Variants in AVEN observed in about 807,000 individuals in gnomAD.
AVEN encodes the protein cell death regulator Aven.
AVEN carries 41 observed loss-of-function variants against 38.1 expected under a neutral mutation model. The ratio of observed to expected loss-of-function variants is 1.08; its 90% CI spans 0.84 to 1.40. The LOEUF (loss-of-function observed/expected upper bound fraction) is 1.40, where lower values mean the gene tolerates loss of function less well. Ranked by LOEUF, AVEN falls within the 40% of genes most tolerant of loss-of-function variation. The pLI, the probability that AVEN is intolerant of heterozygous loss-of-function variation, is 0.00. For synonymous variants in AVEN, 206 were observed against 171.8 expected (o/e 1.20, Z -1.56); for missense variants, 605 against 438.8 (o/e 1.38, Z -3.38).
chr15:33,908,159 T>C (rs779508227), intron 2 of AVEN, among the ~76,000 whole-genome samples: 37 of 152,228 alleles, frequency 2.4e-4, no homozygotes, highest in Non-Finnish European at 5.1e-4. Flanking sequence ...ATTAAGTACA[T>C]TCACATTATT....
At chr15:33,886,009 C>T (rs567654979) in intron 2 of AVEN, among the ~76,000 whole-genome samples, 1 of 152,198 alleles carries the variant, frequency 6.6e-6, no homozygotes, top group Non-Finnish European at 1.5e-5. Context: ...ATACAAAGAT[C>T]AGTCTTTGGA....
At chr15:33,899,459 C>CTTT (rs1567403765) in intron 2 of AVEN, among the ~76,000 whole-genome samples, 1 of 83,260 alleles carries the variant, frequency 1.2e-5, no homozygotes, top group Non-Finnish European at 2.4e-5. Flanking sequence ...TCAGGGAAAA[C>CTTT]CTTTTTTTTT....
intron 2 of AVEN, chr15:33,968,580 G>A (rs2140488831): frequency 6.6e-6 from 1 of 152,180 alleles, no homozygotes; most frequent in South Asian, 2.1e-4. Flanking sequence ...TCAAAAAACA[G>A]GGTACCAGAA....
At chr15:33,897,837 G>C (rs948198966) in intron 2 of AVEN, among the ~76,000 whole-genome samples, 1 of 152,106 alleles carries the variant, frequency 6.6e-6, no homozygotes, top group Non-Finnish European at 1.5e-5. Flanking sequence ...AGTTATGATT[G>C]TGCCACTGCA....
intron 2 of AVEN, among the ~76,000 whole-genome samples, chr15:33,964,764 A>G (rs1461612627): frequency 6.6e-6 from 1 of 152,218 alleles, no homozygotes; most frequent in Non-Finnish European, 1.5e-5. Context: ...AGAAACAAGA[A>G]GAACACATTC....
At chr15:34,062,572 A>C (rs928544856) in intron 5 of AVEN, 6 of 657,260 alleles carry the variant, frequency 9.1e-6, no homozygotes, top group East Asian at 5.7e-5. Context: ...AAAAAAAAAA[A>C]AACTATAAAC....
Position 33,871,028 on chromosome 15 carries a change from A to T in AVEN, c.519T>A (p.Asn173Lys). Residue 173 changes from asparagine to lysine, a missense_variant and splice_region_variant, in exon 4 of 6, where the codon AAT becomes AAA. Coordinates refer to ENST00000306730, the MANE Select transcript of AVEN (RefSeq NM_020371.3). ...ACTCACTATCCACATAAAATGCTGA[A>T]TTCTATATATATATATAAAAGAAAA... ...WDSEASCPKQ[N>K]SAFYVDSELL... 6.4e-7 allele frequency: 1 copy of T among 1,555,190 alleles called. No homozygotes were observed. The highest frequency in any genetic ancestry group is 1.2e-5 in the South Asian group (1 of 83,304).
chr15:33,885,245 T>G (rs1313891843), intron 2 of AVEN, among the ~76,000 whole-genome samples: 3 of 152,184 alleles, frequency 2.0e-5, no homozygotes, highest in Non-Finnish European at 4.4e-5. Context: ...TAAAATGTCC[T>G]CTTTCATTTC....
intron 5 of AVEN, among the ~76,000 whole-genome samples, chr15:34,044,839 A>G (rs976298910): frequency 1.3e-5 from 2 of 152,202 alleles, no homozygotes; most frequent in Admixed American, 1.3e-4. Context: ...TCATGAGGTC[A>G]GGAGATGGAG....
At position 33,964,611 on chromosome 15, in the gene AVEN, A is replaced by G. The variant is rs547735879; in HGVS notation, c.445+38421T>C. Among the ~76,000 whole-genome samples the G allele has an allele frequency of 5.3e-5, 8 of 152,274 alleles. 1 individual carries two copies. The highest frequency in any genetic ancestry group is 1.9e-4 in the African/African-American group (8 of 41,534). The stretch of plus-strand genomic sequence containing the variant: ...GCAAAGTACAACCACTCTAGTTCAT[A>G]TCCCCCCTCATACCACTACTTAGTT... On this transcript the variant is annotated intron_variant, in intron 2 of 5. Transcript: ENST00000306730.
chr15:34,033,574 A>G (rs946028371), intron 1 of AVEN, among the ~76,000 whole-genome samples: 5 of 152,200 alleles, frequency 3.3e-5, no homozygotes, highest in African/African-American at 1.2e-4. Context: ...AATTCAATCT[A>G]AAAGAAAAAG....
intron 2 of AVEN, among the ~76,000 whole-genome samples, chr15:33,931,759 G>C (rs1272135611): frequency 6.6e-6 from 1 of 152,042 alleles, no homozygotes; most frequent in East Asian, 1.9e-4. Context: ...AAAAAATAAA[G>C]AGCTTGGTCA....
At chr15:33,931,595 C>T (rs1381129605) in intron 2 of AVEN, among the ~76,000 whole-genome samples, 4 of 151,332 alleles carry the variant, frequency 2.6e-5, no homozygotes, top group Non-Finnish European at 4.4e-5. Context: ...TGGTCTTGAT[C>T]TCCTGACCTC....
chr15:33,854,529 C>A, downstream of AVEN: 1 of 1,216,510 alleles, frequency 8.2e-7, no homozygotes, highest in Non-Finnish European at 1.2e-6. Context: ...GCAGGATGCT[C>A]AGAAGGGTTC....
At chr15:33,925,049 T>A (rs1376696081) in intron 2 of AVEN, among the ~76,000 whole-genome samples, 2 of 152,242 alleles carry the variant, frequency 1.3e-5, no homozygotes, top group Non-Finnish European at 2.9e-5. Context: ...ATTTAATTAT[T>A]CATATCAAAA....
chr15:33,853,269 C>T, the AVEN span, among the ~76,000 whole-genome samples: 1 of 152,192 alleles, frequency 6.6e-6, no homozygotes, highest in Middle Eastern at 3.2e-3. Flanking sequence ...CATTCATATA[C>T]TCATCTGCCT....
intron 3 of AVEN, among the ~76,000 whole-genome samples, chr15:33,873,543 C>T (rs945635393): frequency 8.8e-5 from 13 of 147,186 alleles, no homozygotes; most frequent in Non-Finnish European, 1.8e-4. Context: ...TATATATATG[C>T]ACTCAATATA....
chr15:34,038,896 G>A lies in AVEN; in HGVS notation c.151C>T (p.Arg51Trp), dbSNP rs1289175429. 1 of 1,131,028 alleles carries A rather than the reference G, an allele frequency of 8.8e-7. No homozygotes were observed. Among genetic ancestry groups the A allele is most frequent in the East Asian group, 5.1e-5 (1 of 19,792 alleles). 70.1% of individuals were successfully genotyped at this position (1,131,028 alleles called of 1,614,324 possible). A position where few individuals can be genotyped will look rare whatever the true frequency, so the allele number is the denominator to read the frequency against. Residue 51 changes from arginine to tryptophan, a missense_variant, in exon 1 of 6, where the codon CGG becomes TGG. By Grantham distance (101) the Arg-to-Trp change is moderately radical. Coordinates refer to ENST00000306730, the MANE Select transcript of AVEN (RefSeq NM_020371.3). ...GGGGGDGGGR[R>W]GRGRGRGFRG... ...AAGCCCCGGCCACGGCCACGGCCCCGGCGTCCGCCTCCGTCCCCGCCGCCG... is the reference window on the plus strand; with the variant it reads ...AAGCCCCGGCCACGGCCACGGCCCCAGCGTCCGCCTCCGTCCCCGCCGCCG...
At chr15:33,878,708 ATC>A (rs2153037139) in intron 2 of AVEN, among the ~76,000 whole-genome samples, 1 of 152,342 alleles carries the variant, frequency 6.6e-6, no homozygotes, top group South Asian at 2.1e-4. Context: ...ATACGTATTA[ATC>A]TAATAATATA....
Sources: allele counts gnomAD v4.1 joint callset (sites outside exome capture counted in the v4.1 genomes callset), GRCh38; gene constraint gnomAD v4.1.1; transcripts MANE v1.5; gene names NCBI Gene and HGNC (gene_info 2026-07-23, HGNC 2026-07-21).